Variants in IQSEC1 observed in about 807,000 individuals in gnomAD.
IQSEC1 encodes IQ motif and SEC7 domain-containing protein 1.
A neutral mutation model predicts 91.0 loss-of-function variants in IQSEC1; 31 were observed. The observed-to-expected ratio is 0.34, with a 90% CI of 0.26 to 0.46. IQSEC1 has a LOEUF of 0.46. IQSEC1 is among the 20% of genes least tolerant of loss of function. The pLI, the probability that IQSEC1 is intolerant of heterozygous loss-of-function variation, is 1.00. For synonymous variants in IQSEC1, 699 were observed against 662.6 expected, an observed-to-expected ratio of 1.05 and a Z score of -0.84; for missense variants, 1,388 against 1,575.6, an observed-to-expected ratio of 0.88 and a Z score of 2.02.
intron 1 of IQSEC1, among the ~76,000 whole-genome samples, chr3:13,277,213 C>T (rs1202095782): frequency 1.3e-5 from 2 of 151,150 alleles, no homozygotes; most frequent in South Asian, 4.2e-4. Flanking sequence ...AATAGCCACC[C>T]AGCTGGCAAA....
upstream of IQSEC1, among the ~76,000 whole-genome samples, chr3:13,076,251 C>A (rs371913217): frequency 6.6e-6 from 1 of 152,300 alleles, no homozygotes; most frequent in East Asian, 1.9e-4. Context: ...AGCATTCAGA[C>A]AGCGTTTTCA....
chr3:12,941,748 C>G lies in IQSEC1; in HGVS notation c.141G>C (p.Thr47=), dbSNP rs144196840. The G allele has an allele frequency of 1.2e-6, 2 of 1,612,332 alleles. No homozygotes were observed. The highest frequency in any genetic ancestry group is 2.2e-5 in the East Asian group (1 of 44,866). ...AGTACAGCCCATAGGCTCCCACTGACGTGTGCTCGTAGTGATCCGGGCTCA... is the reference window on the plus strand; with the variant it reads ...AGTACAGCCCATAGGCTCCCACTGAGGTGTGCTCGTAGTGATCCGGGCTCA... ...SSLSPDHYEH[T]SVGAYGLYSG... The change falls in exon 2 of 14, where the codon ACG becomes ACC. Residue 47 remains threonine (T), a synonymous_variant. Coordinates refer to ENST00000613206, the MANE Select transcript of IQSEC1 (RefSeq NM_001134382.3).
chr3:12,945,707 C>T (rs1374283793), intron 1 of IQSEC1, among the ~76,000 whole-genome samples: 3 of 152,192 alleles, frequency 2.0e-5, no homozygotes, highest in Admixed American at 6.5e-5. Flanking sequence ...GAGGACATCA[C>T]CTCTTGATGG....
chr3:12,902,934 C>T (rs1694528336), intron 12 of IQSEC1, 112 bp from the exon 13 acceptor site: 3 of 830,462 alleles, frequency 3.6e-6, no homozygotes, highest in Non-Finnish European at 6.2e-6. Flanking sequence ...GGAGCAGGCA[C>T]AGGTGCCGGG....
intron 1 of IQSEC1, among the ~76,000 whole-genome samples, chr3:13,184,839 C>T (rs1693903866): frequency 6.6e-6 from 1 of 152,234 alleles, no homozygotes; most frequent in East Asian, 1.9e-4. Context: ...AGCAAGGGAG[C>T]GATAAACACA....
chr3:13,170,726 G>A (rs79343200), intron 1 of IQSEC1, among the ~76,000 whole-genome samples: 13,201 of 152,148 alleles, frequency 0.087, 806 homozygotes, highest in African/African-American at 0.18. Context: ...TAAGAGACAC[G>A]GCAGCCAGCT....
chr3:13,265,300 GC>G (rs1234446617), intron 1 of IQSEC1, among the ~76,000 whole-genome samples: 5 of 115,356 alleles, frequency 4.3e-5, no homozygotes, highest in South Asian at 3.5e-4. Flanking sequence ...CAGAGCCTCT[GC>G]CTGTGCACTG....
At chr3:13,162,812 C>T (rs558272332) in intron 2 of IQSEC1, among the ~76,000 whole-genome samples, 1 of 152,134 alleles carries the variant, frequency 6.6e-6, no homozygotes, top group Non-Finnish European at 1.5e-5. Flanking sequence ...AGCCATGTGG[C>T]GGTGCACACC....
intron 1 of IQSEC1, among the ~76,000 whole-genome samples, chr3:13,165,336 A>AC (rs1051006931): frequency 6.6e-6 from 1 of 151,630 alleles, no homozygotes; most frequent in African/African-American, 2.4e-5. Context: ...CATCTCCTTG[A>AC]CCCCGGGGGC....
chr3:12,909,361 G>C lies in IQSEC1; in HGVS notation c.2490C>G (p.Ala830=), dbSNP rs375402469. 21 of 1,614,082 alleles carry C rather than the reference G, an allele frequency of 1.3e-5. No homozygotes were observed. The highest frequency in any genetic ancestry group is 1.7e-5 in the Non-Finnish European group (20 of 1,180,038). The part of the protein sequence containing the change: ...ADIKVLINFN[A]PNPQDRKKFT... ...ATTTCTTCCGGTCTTGAGGGTTGGGGGCGTTGAAGTTTATTAACACTTTGA... is the reference window on the plus strand; with the variant it reads ...ATTTCTTCCGGTCTTGAGGGTTGGGCGCGTTGAAGTTTATTAACACTTTGA... Residue 830 remains alanine (A), a synonymous_variant, in exon 11 of 14, where the codon GCC becomes GCG. Transcript: ENST00000613206. The surrounding 1 kb of genome is among the most constrained non-coding windows in gnomAD (Gnocchi z 4.9).
chr3:13,059,570 G>A (rs1704994127), intron 1 of IQSEC1, among the ~76,000 whole-genome samples: 1 of 152,072 alleles, frequency 6.6e-6, no homozygotes, highest in South Asian at 2.1e-4. Flanking sequence ...GGACAACATG[G>A]CAAAATCCAG....
At chr3:13,031,341 C>A (rs1282302689) in intron 1 of IQSEC1, among the ~76,000 whole-genome samples, 1 of 152,240 alleles carries the variant, frequency 6.6e-6, no homozygotes, top group Non-Finnish European at 1.5e-5. Flanking sequence ...AGGGCCCCTG[C>A]CTGCCCCTGC....
At chr3:13,051,745 G>A (rs187848558) in intron 1 of IQSEC1, among the ~76,000 whole-genome samples, 2 of 152,068 alleles carry the variant, frequency 1.3e-5, no homozygotes, top group Non-Finnish European at 2.9e-5. Flanking sequence ...CAGCACTTGC[G>A]TGGTCTTGGA....
At position 12,908,067 on chromosome 3, in the gene IQSEC1, A is replaced by G. The variant is rs1358297649; in HGVS notation, c.2755+282T>C. Among the ~76,000 whole-genome samples the G allele has an allele frequency of 6.6e-6, 1 of 152,202 alleles. No homozygotes were observed. Among genetic ancestry groups the G allele is most frequent in the African/African-American group, 2.4e-5 (1 of 41,456 alleles). On this transcript the variant is annotated intron_variant, in intron 12 of 13. Transcript: ENST00000613206. The surrounding 1 kb of genome is among the most constrained non-coding windows in gnomAD (Gnocchi z 4.9). ...CGACTTCCCAGATCAATAAACAAGTAAATAAAACCCCTGGAAGAAGAAAGG... is the reference window on the plus strand; with the variant it reads ...CGACTTCCCAGATCAATAAACAAGTGAATAAAACCCCTGGAAGAAGAAAGG...
intron 2 of IQSEC1, among the ~76,000 whole-genome samples, chr3:13,147,996 C>T (rs1230670742): frequency 6.6e-6 from 1 of 152,198 alleles, no homozygotes; most frequent in Non-Finnish European, 1.5e-5. Flanking sequence ...AGTGGGATTG[C>T]TGAATCCAAT....
At position 12,901,447 on chromosome 3, in the gene IQSEC1, T is replaced by C; in HGVS notation, c.2881A>G (p.Thr961Ala). ...TRECPSRPHQ[T>A]MPNSSSLLGS... ...AGGAGGGAAGATGAGTTGGGCATAG[T>C]CTGGTGTGGGCGAGATGGACACTCT... The change falls in exon 14 of 14, where the codon ACT becomes GCT. Residue 961 changes from threonine (T) to alanine (A), a missense_variant. Around this residue, in one of 2 missense-constraint regions of IQSEC1, gnomAD observed 329 missense variants for 257.8 expected, o/e 1.28. Coordinates refer to ENST00000613206, the MANE Select transcript of IQSEC1 (RefSeq NM_001134382.3). The C allele has an allele frequency of 6.5e-7, 1 of 1,548,994 alleles. No individual in the cohort carries two copies. Among genetic ancestry groups the C allele is most frequent in the South Asian group, 1.2e-5 (1 of 84,054 alleles).
intron 1 of IQSEC1, among the ~76,000 whole-genome samples, chr3:13,198,868 C>T (rs1161626496): frequency 6.6e-6 from 1 of 152,210 alleles, no homozygotes; most frequent in African/African-American, 2.4e-5. Context: ...AAAGCAGAAT[C>T]CCACACTTTC....
At chr3:13,114,255 C>CG (rs958821758) in intron 2 of IQSEC1, among the ~76,000 whole-genome samples, 2 of 152,114 alleles carry the variant, frequency 1.3e-5, no homozygotes, top group African/African-American at 4.8e-5. Flanking sequence ...GTGTTTTTCT[C>CG]GGGTGTGGCT....
intron 1 of IQSEC1, among the ~76,000 whole-genome samples, chr3:13,192,119 A>G (rs977545236): frequency 6.6e-6 from 1 of 152,102 alleles, no homozygotes; most frequent in Non-Finnish European, 1.5e-5. Flanking sequence ...GCGGATCACG[A>G]GGTCAGGAGA....
Sources: allele counts gnomAD v4.1 joint callset (sites outside exome capture counted in the v4.1 genomes callset), GRCh38; gene constraint gnomAD v4.1.1; regional missense constraint gnomAD v4.1.1; non-coding constraint Gnocchi (gnomAD v3.1); transcripts MANE v1.5; gene names NCBI Gene and HGNC (gene_info 2026-07-23, HGNC 2026-07-21).